Variants in GML observed in about 807,000 individuals in gnomAD.
GML encodes glycosylphosphatidylinositol anchored molecule like.
In GML, 5 loss-of-function variants were observed where a neutral mutation model predicts 8.2. That is an observed-to-expected ratio of 0.61 (90% CI 0.32 to 1.28). The LOEUF is 1.28. Among genes scored for constraint, GML ranks in the 50% most tolerant of loss-of-function variants. The probability of loss-of-function intolerance (pLI) is 0.06; values close to 1 mark genes in which losing one functional copy is unlikely to be tolerated. For missense variants in GML, 191 were observed against 198.3 expected, an observed-to-expected ratio of 0.96 and a Z score of 0.22; for synonymous variants, 72 against 69.0, an observed-to-expected ratio of 1.04 and a Z score of -0.22.
intron 1 of GML, among the ~76,000 whole-genome samples, chr8:142,837,186 C>G (rs1816353942): frequency 6.6e-6 from 1 of 151,872 alleles, no homozygotes; most frequent in South Asian, 2.1e-4. Flanking sequence ...CCCAGCTACT[C>G]AGGAGGCTGA....
chr8:142,840,384 C>G, intron 1 of GML, 32 bp from the exon 2 acceptor site: 1 of 1,376,658 alleles, frequency 7.3e-7, no homozygotes, highest in Non-Finnish European at 1.0e-6. Context: ...CCATGGCTCA[C>G]TAACGTGTTG....
At chr8:142,838,827 T>C (rs1223824446) in intron 1 of GML, among the ~76,000 whole-genome samples, 1 of 152,164 alleles carries the variant, frequency 6.6e-6, no homozygotes, top group African/African-American at 2.4e-5. Context: ...GGGAGCTGGG[T>C]GTCAACCTGT....
rs1483485218 is a variant in GML at position 142,846,468 on chromosome 8, G to A, written c.255G>A (p.Gln85=). 5 of 1,611,392 alleles carry A rather than the reference G, an allele frequency of 3.1e-6. No individual in the cohort carries two copies. In the South Asian group the frequency reaches 3.3e-5, roughly 11 times the overall value. The change falls in exon 4 of 4, where the codon CAG becomes CAA. Residue 85 remains glutamine (Q), a synonymous_variant. Coordinates refer to ENST00000220940, the MANE Select transcript of GML (RefSeq NM_002066.3). ...NNCTFVYAAE[Q]PPEAPGKIFK... ...GCACATTTGTATATGCAGCTGAACA[G>A]CCTCCTGAAGCCCCAGGAAAAATCT...
At chr8:142,842,418 G>A (rs1440450123) in intron 3 of GML, among the ~76,000 whole-genome samples, 1 of 152,200 alleles carries the variant, frequency 6.6e-6, no homozygotes, top group Non-Finnish European at 1.5e-5. Context: ...CTCCACAGTG[G>A]CCACTGCTGG....
At chr8:142,845,810 A>G (rs1395945312) in intron 3 of GML, among the ~76,000 whole-genome samples, 1 of 152,188 alleles carries the variant, frequency 6.6e-6, no homozygotes, top group African/African-American at 2.4e-5. Flanking sequence ...ACACGTACCT[A>G]GTTGGAAAGG....
In GML at chr8:142,840,429, C is replaced by G; in HGVS notation, c.-9C>G. On this transcript the variant is annotated 5_prime_UTR_variant, in exon 2 of 4. Transcript: ENST00000220940. The stretch of plus-strand genomic sequence containing the variant: ...CCTTCCCTTCAGGTCCAGGCTCCTG[C>G]GTGAAGTGATGCTCCTCTTTGCCTT... The G allele has an allele frequency of 3.1e-6, 5 of 1,611,102 alleles. No individual in the cohort carries two copies. The highest frequency in any genetic ancestry group is 4.2e-6 in the Non-Finnish European group (5 of 1,177,232).
In GML at chr8:142,834,838, C is replaced by G. The variant is rs1586541234; in HGVS notation, c.-53C>G. ...GGCTCAGATGGCTGGAGGCGGCGGG[C>G]ACGCACACTGCGGGGCTCCGAGGGG... is the stretch of plus-strand genomic sequence containing the variant. On this transcript the variant is annotated 5_prime_UTR_variant, in exon 1 of 4. Coordinates refer to ENST00000220940, the MANE Select transcript of GML (RefSeq NM_002066.3). 1 of 19,766 alleles carries G rather than the reference C, an allele frequency of 5.1e-5. No homozygotes were observed. Among genetic ancestry groups the G allele is most frequent in the African/African-American group, 2.6e-4 (1 of 3,816 alleles). 1.2% of individuals were successfully genotyped at this position (19,766 alleles called of 1,614,324 possible). A position where few individuals can be genotyped will look rare whatever the true frequency, so the allele number is the denominator to read the frequency against.
Position 142,846,715 on chromosome 8 carries a change from C to T in GML, c.*25C>T, listed in dbSNP as rs1816508358. 6 of 1,539,858 alleles carry T rather than the reference C, an allele frequency of 3.9e-6. No homozygotes were observed. In the East Asian group the frequency reaches 1.1e-4, roughly 29 times the overall value. ...AGGACCCCACCTTGGAGGGTCTGAC[C>T]ATCTTCACCTGTTCCGCAGAGAAAT... On this transcript the variant is annotated 3_prime_UTR_variant, in exon 4 of 4. Coordinates refer to ENST00000220940, the MANE Select transcript of GML (RefSeq NM_002066.3).
chr8:142,835,241 G>A (rs897405933), intron 1 of GML, among the ~76,000 whole-genome samples: 73 of 151,114 alleles, frequency 4.8e-4, no homozygotes, highest in African/African-American at 1.7e-3. Context: ...TATGCTCAGG[G>A]GTCCCAGGGA....
At chr8:142,837,313 A>G (rs1350410084) in intron 1 of GML, among the ~76,000 whole-genome samples, 2 of 151,930 alleles carry the variant, frequency 1.3e-5, no homozygotes, top group African/African-American at 4.8e-5. Flanking sequence ...AAAAGAAACT[A>G]TGTCTCTTTT....
rs1816428932 is a variant in GML, at chr8:142,841,201, A to G, written c.157A>G (p.Arg53Gly). Reference protein sequence around the residue: ...PNIRVCPYHIRRCMTISIRIN... With the variant: ...PNIRVCPYHIGRCMTISIRIN... Reference sequence around the variant, plus strand: ...CATTAGAGTATGTCCGTATCATATTAGGCGCTGTATGACAATCTCCATTCG... The same window carrying G: ...CATTAGAGTATGTCCGTATCATATTGGGCGCTGTATGACAATCTCCATTCG... Residue 53 changes from arginine (R) to glycine (G), a missense_variant, in exon 3 of 4, where the codon AGG (arginine) becomes GGG (glycine). Arg to Gly is a moderately radical substitution (Grantham distance 125). Transcript: ENST00000220940. The G allele has an allele frequency of 6.5e-7, 1 of 1,533,812 alleles. No homozygotes were observed. Among genetic ancestry groups the G allele is most frequent in the East Asian group, 2.3e-5 (1 of 44,344 alleles).
At chr8:142,836,878 C>T (rs1218703350) in intron 1 of GML, among the ~76,000 whole-genome samples, 2 of 152,096 alleles carry the variant, frequency 1.3e-5, no homozygotes, top group Non-Finnish European at 2.9e-5. Context: ...TGGCTTGTCT[C>T]GTGTTGAAGT....
rs1262866064 is a variant in GML, at chr8:142,846,700, C to G, written c.*10C>G. 1 of 1,594,046 alleles carries G rather than the reference C, an allele frequency of 6.3e-7. No homozygotes were observed. The highest frequency in any genetic ancestry group is 2.2e-5 in the East Asian group (1 of 44,802). The stretch of plus-strand genomic sequence containing the variant: ...CAATATATTGCCATGAGGACCCCAC[C>G]TTGGAGGGTCTGACCATCTTCACCT... On this transcript the variant is annotated 3_prime_UTR_variant, in exon 4 of 4. Transcript: ENST00000220940.
Position 142,846,443 on chromosome 8 carries a change from G to T in GML, c.230G>T (p.Cys77Phe), listed in dbSNP as rs1287463312. 1 of 1,612,158 alleles carries T rather than the reference G, an allele frequency of 6.2e-7. No individual in the cohort carries two copies. ...GTTTATAAGAACTGTACAAACAACTGCACATTTGTATATGCAGCTGAACAG... is the reference window on the plus strand; with the variant it reads ...GTTTATAAGAACTGTACAAACAACTTCACATTTGTATATGCAGCTGAACAG... ...LLVYKNCTNNCTFVYAAEQPP... is the reference protein window; with the variant it reads ...LLVYKNCTNNFTFVYAAEQPP... Residue 77 changes from cysteine (C) to phenylalanine (F), a missense_variant, in exon 4 of 4, where the codon TGC becomes TTC. Transcript: ENST00000220940.
intron 3 of GML, among the ~76,000 whole-genome samples, chr8:142,845,860 G>T (rs943171658): frequency 2.6e-5 from 4 of 152,202 alleles, no homozygotes; most frequent in African/African-American, 9.7e-5. Context: ...GGCACCAAGG[G>T]TCAAGAGCAT....
intron 2 of GML, 98 bp from the exon 3 acceptor site, chr8:142,841,020 G>A (rs1249153878): frequency 2.8e-5 from 20 of 721,672 alleles, no homozygotes; most frequent in South Asian, 2.3e-4. Flanking sequence ...GGAAGCAGAG[G>A]GGAAGGGCTG....
intron 3 of GML, among the ~76,000 whole-genome samples, chr8:142,841,857 G>A (rs1483156196): frequency 2.0e-5 from 3 of 152,186 alleles, no homozygotes; most frequent in South Asian, 4.1e-4. Context: ...GTGGAGCCTC[G>A]TCTGGGGCTC....
At chr8:142,838,569 A>G (rs1283595646) in intron 1 of GML, among the ~76,000 whole-genome samples, 1 of 151,764 alleles carries the variant, frequency 6.6e-6, no homozygotes, top group African/African-American at 2.4e-5. Flanking sequence ...CTGTTGAGAA[A>G]GCCTCTGGGT....
intron 3 of GML, among the ~76,000 whole-genome samples, chr8:142,844,079 C>CATAT (rs72036463): frequency 0.62 from 93,810 of 151,952 alleles, 29,279 homozygotes; most frequent in East Asian, 0.85. Context: ...AACTATCAAA[C>CATAT]CGTTTCCTTA....
Sources: gnomAD v4.1 joint callset for allele counts (sites outside exome capture counted in the v4.1 genomes callset) on GRCh38, gnomAD v4.1.1 for gene constraint, MANE v1.5 for transcripts, NCBI Gene and HGNC (gene_info 2026-07-23, HGNC 2026-07-21) for gene names.